The following RHOF variants were observed in gnomAD, a reference collection of about 807,000 sequenced individuals.
The protein encoded by RHOF is ras homolog family member F, filopodia associated, also known as rho-related GTP-binding protein RhoF.
Under a neutral mutation model 22.2 loss-of-function variants are expected in RHOF, and 21 were observed. The ratio of observed to expected loss-of-function variants is 0.95; its 90% CI spans 0.67 to 1.36. The LOEUF is 1.36. Among genes scored for constraint, RHOF ranks in the 40% most tolerant of loss-of-function variants. The pLI is 0.00. For missense variants in RHOF, 285 were observed against 293.7 expected (o/e 0.97, Z 0.22); for synonymous variants, 135 against 131.2 (o/e 1.03, Z -0.20).
At chr12:121,783,286 C>G (rs926543736) in intron 2 of RHOF, among the ~76,000 whole-genome samples, 2 of 150,472 alleles carry the variant, frequency 1.3e-5, no homozygotes, top group Non-Finnish European at 3.0e-5. Context: ...CCCCTCTCCA[C>G]AACTGAAGCA....
At chr12:121,791,422 T>C (rs1874761069) in intron 2 of RHOF, among the ~76,000 whole-genome samples, 1 of 152,018 alleles carries the variant, frequency 6.6e-6, no homozygotes. Context: ...GGCCCAGACA[T>C]CCCCAATGAT....
In RHOF at chr12:121,779,640, A is replaced by G; in HGVS notation, c.494T>C (p.Ile165Thr). Residue 165 changes from isoleucine (I) to threonine (T), a missense_variant, in exon 5 of 5, where the codon ATC (isoleucine) becomes ACC (threonine). Physicochemically the swap from Ile to Thr is moderately conservative, Grantham distance 89 (BLOSUM62 -1). Transcript: ENST00000267205. ...YMQGLSACEQ[I>T]RAALYLECSA... Reference sequence around the variant, plus strand: ...ACATTCCAGGTAGAGAGCAGCTCGGATCTGTTCGCAGGCGCTCAGGCCCTG... The same window carrying G: ...ACATTCCAGGTAGAGAGCAGCTCGGGTCTGTTCGCAGGCGCTCAGGCCCTG... 6.2e-7 allele frequency: 1 copy of G among 1,614,056 alleles called. No individual in the cohort carries two copies. Among genetic ancestry groups the G allele is most frequent in the South Asian group, 1.1e-5 (1 of 91,084 alleles).
At chr12:121,779,729 G>T in intron 4 of RHOF, 67 bp from the exon 5 acceptor site, 2 of 1,556,702 alleles carry the variant, frequency 1.3e-6, no homozygotes, top group Non-Finnish European at 1.8e-6. Flanking sequence ...CACCTGGTGG[G>T]TTTGGGACTG....
rs1874828495 is a variant in RHOF at position 121,793,637 on chromosome 12, C to T, written c.-4G>A. ...CCAGGGCCCCGGGGGCATCCATTGC[C>T]CGGAGCCCGCAGCACTGGCGGCGGC... is the stretch of plus-strand genomic sequence containing the variant. On this transcript the variant is annotated 5_prime_UTR_variant, in exon 1 of 5. Transcript: ENST00000267205. The T allele has an allele frequency of 1.3e-6, 2 of 1,534,024 alleles. No homozygotes were observed. The highest frequency in any genetic ancestry group is 3.9e-5 in the Admixed American group (2 of 51,288).
rs145495137 is a variant in RHOF at position 121,787,727 on chromosome 12, C to T, written c.226+5425G>A. On this transcript the variant is annotated intron_variant, in intron 2 of 4. Transcript: ENST00000267205. ...GACCAGCCTGGGCAACATGGTGAAA[C>T]GCTGTCTCTACTAAAAATACAAAAA... 1.4e-3 allele frequency among the ~76,000 whole-genome samples: 206 copies of T among 152,086 alleles called. 2 individuals carry two copies. Among genetic ancestry groups the T allele is most frequent in the Admixed American group, 1.8e-3 (28 of 15,286 alleles).
Position 121,780,950 on chromosome 12 carries a change from G to T in RHOF, c.393C>A (p.Cys131Ter), listed in dbSNP as rs1411775281. 7 of 1,613,992 alleles carry T rather than the reference G, an allele frequency of 4.3e-6. No individual in the cohort carries two copies. Among genetic ancestry groups the T allele is most frequent in the Non-Finnish European group, 5.9e-6 (7 of 1,179,972 alleles). Residue 131 changes from cysteine to a stop codon, truncating the protein, a stop_gained, in exon 4 of 5, where the codon TGC becomes TGA. Transcript: ENST00000267205. LOFTEE classifies it high-confidence loss of function. ...CCTTGTCCTTCCTCAGGTCTGTCTT[G>T]CAGCCGATGAGCACCATGGGGATCC... ...CRGIPMVLIG[C>*]KTDLRKDKEQ...
chr12:121,791,787 A>G (rs1296878803), intron 2 of RHOF, among the ~76,000 whole-genome samples: 1 of 152,214 alleles, frequency 6.6e-6, no homozygotes, highest in Non-Finnish European at 1.5e-5. Context: ...AGGAGGAAAG[A>G]AAAAACCTCC....
chr12:121,780,514 G>C (rs185697059), intron 4 of RHOF: 18 of 418,004 alleles, frequency 4.3e-5, no homozygotes, highest in Non-Finnish European at 6.8e-5. Context: ...GACAGGACAC[G>C]ACAGGACGGC....
At position 121,781,173 on chromosome 12, in the gene RHOF, C is replaced by G. The variant is rs1417921146; in HGVS notation, c.246G>C (p.Arg82=). Residue 82 remains arginine, a synonymous_variant, in exon 3 of 5, where the codon CGG becomes CGC. Coordinates refer to ENST00000267205, the MANE Select transcript of RHOF (RefSeq NM_019034.3). ...TGTTCTGGTAGGACAGGGGCCGCAG[C>G]CGGTCATAGTCTTCTTGCCCTGAAA... ...YDTAGQEDYD[R]LRPLSYQNTH... 1 of 1,614,080 alleles carries G rather than the reference C, an allele frequency of 6.2e-7. No homozygotes were observed. The highest frequency in any genetic ancestry group is 8.5e-7 in the Non-Finnish European group (1 of 1,180,032).
At chr12:121,786,041 G>C (rs902829554) in intron 2 of RHOF, among the ~76,000 whole-genome samples, 14 of 151,610 alleles carry the variant, frequency 9.2e-5, no homozygotes, top group African/African-American at 3.4e-4. Context: ...CAAGCCTCCA[G>C]AGTAGCTGGG....
In RHOF at chr12:121,793,197, T is replaced by C. The variant is rs749926378; in HGVS notation, c.181A>G (p.Thr61Ala). The change falls in exon 2 of 5, where the codon ACC (threonine) becomes GCC (alanine). Residue 61 changes from threonine (T) to alanine (A), a missense_variant. Thr to Ala is a moderately conservative substitution (Grantham distance 58). Coordinates refer to ENST00000267205, the MANE Select transcript of RHOF (RefSeq NM_019034.3). ...SVFEKYTASV[T>A]VGSKEVTLNL... The stretch of plus-strand genomic sequence containing the variant: ...AGGGTCACCTCCTTGCTGCCAACGG[T>C]CACGCTGGCCGTGTACTTCTCGAAC... The C allele has an allele frequency of 1.3e-6, 2 of 1,550,844 alleles. No individual in the cohort carries two copies. The highest frequency in any genetic ancestry group is 2.4e-5 in the South Asian group (2 of 84,064).
intron 2 of RHOF, among the ~76,000 whole-genome samples, chr12:121,790,242 C>T (rs1202205664): frequency 2.0e-5 from 3 of 152,278 alleles, no homozygotes; most frequent in African/African-American, 7.2e-5. Flanking sequence ...GAAATTCAGC[C>T]TCTGAGAGCC....
chr12:121,779,833 G>T, intron 4 of RHOF, 171 bp from the exon 5 acceptor site: 1 of 685,214 alleles, frequency 1.5e-6, no homozygotes, highest in Non-Finnish European at 2.4e-6. Flanking sequence ...TGGAATGGAG[G>T]GCCAGGGCAG....
At position 121,779,433 on chromosome 12, in the gene RHOF, T is replaced by C. The variant is rs978729482; in HGVS notation, c.*65A>G. 72 of 1,558,922 alleles carry C rather than the reference T, an allele frequency of 4.6e-5. 1 individual carries two copies. The East Asian group carries it at 1.3e-3, about 27-fold the overall frequency. On this transcript the variant is annotated 3_prime_UTR_variant, in exon 5 of 5. Transcript: ENST00000267205. ...GAGGGTCGGGATGGGGCAGCCTCCCTGGTGCAATCGGCACCTGGGCCCCCG... is the reference window on the plus strand; with the variant it reads ...GAGGGTCGGGATGGGGCAGCCTCCCCGGTGCAATCGGCACCTGGGCCCCCG...
At chr12:121,784,480 G>A (rs893916822) in intron 2 of RHOF, among the ~76,000 whole-genome samples, 1 of 151,612 alleles carries the variant, frequency 6.6e-6, no homozygotes, top group African/African-American at 2.4e-5. Flanking sequence ...GGGAGGCAGA[G>A]GTTGCAGTGA....
intron 4 of RHOF, 51 bp downstream of exon 4, chr12:121,780,821 C>T (rs767636853): frequency 1.8e-5 from 29 of 1,582,176 alleles, no homozygotes; most frequent in Middle Eastern, 1.7e-4. Context: ...GCCAAAGGTC[C>T]GGGAGGCTTC....
At chr12:121,782,043 C>G (rs896332896) in intron 2 of RHOF, 5 of 152,172 alleles carry the variant, frequency 3.3e-5, no homozygotes, top group African/African-American at 7.2e-5. Context: ...TTCAAACTTA[C>G]AGTAAAATTG....
In RHOF at chr12:121,778,725, G is replaced by C. The variant is rs1874331701; in HGVS notation, c.*773C>G. On this transcript the variant is annotated 3_prime_UTR_variant, in exon 5 of 5. Transcript: ENST00000267205. ...GGGCCAGTCCTGTCCTACCACAGTG[G>C]GGGGAACAGTCCACAGAAAACTTGC... 6.6e-6 allele frequency: 1 copy of C among 152,260 alleles called. No homozygotes were observed. Among genetic ancestry groups the C allele is most frequent in the African/African-American group, 2.4e-5 (1 of 41,456 alleles). 9.4% of individuals were successfully genotyped at this position (152,260 alleles called of 1,614,324 possible).
At chr12:121,793,313 AC>A in intron 1 of RHOF, 74 bp from the exon 2 acceptor site, 5 of 1,457,268 alleles carry the variant, frequency 3.4e-6, no homozygotes, top group Non-Finnish European at 3.8e-6. Flanking sequence ...TCCACTGTCC[AC>A]CCCCCTCACT....
Sources: gnomAD v4.1 joint callset for allele counts (sites outside exome capture counted in the v4.1 genomes callset) on GRCh38, gnomAD v4.1.1 for gene constraint, MANE v1.5 for transcripts, NCBI Gene and HGNC (gene_info 2026-07-23, HGNC 2026-07-21) for gene names.